RBFOX1: variants seen among roughly 807,000 people sequenced by gnomAD.
The protein encoded by RBFOX1 is RNA binding fox-1 homolog 1.
In RBFOX1, 8 loss-of-function variants were observed where a neutral mutation model predicts 57.7. That is an observed-to-expected ratio of 0.14 (90% confidence interval 0.08 to 0.25). The LOEUF is 0.25. Among genes scored for constraint, RBFOX1 ranks in the 10% least tolerant of loss-of-function variants. The pLI is 1.00. For missense variants in RBFOX1, 611 were observed against 548.5 expected (o/e 1.11, Z -1.14); for synonymous variants, 326 against 222.4 (o/e 1.47, Z -4.15).
chr16:7,370,617 C>T (rs778987512), intron 4 of RBFOX1, among the ~76,000 whole-genome samples: 1 of 152,160 alleles, frequency 6.6e-6, no homozygotes, highest in Non-Finnish European at 1.5e-5. Context: ...TTTCAGGATA[C>T]CATTCTCTCA....
intron 3 of RBFOX1, among the ~76,000 whole-genome samples, chr16:6,809,562 T>C (rs1479614741): frequency 6.6e-6 from 1 of 152,094 alleles, no homozygotes; most frequent in South Asian, 2.1e-4. Context: ...TATATCCTAT[T>C]GTATATGAAG....
chr16:7,105,288 ATTTT>A (rs58447850), intron 4 of RBFOX1, among the ~76,000 whole-genome samples: 1,573 of 138,090 alleles, frequency 0.011, 9 homozygotes, highest in Non-Finnish European at 0.014. Flanking sequence ...ATATGGTCTG[ATTTT>A]TTTTTTTTTT....
intron 2 of RBFOX1, among the ~76,000 whole-genome samples, chr16:6,435,135 A>G (rs561994790): frequency 8.2e-4 from 125 of 152,078 alleles, no homozygotes; most frequent in Non-Finnish European, 1.4e-3. Flanking sequence ...ATGGAAGAGG[A>G]TTTGCTTGCC....
At chr16:7,701,105 A>G (rs1474270488) in intron 14 of RBFOX1, among the ~76,000 whole-genome samples, 1 of 152,140 alleles carries the variant, frequency 6.6e-6, no homozygotes, top group Non-Finnish European at 1.5e-5. Flanking sequence ...GTGCTAAGTG[A>G]TTTCTGAAGT....
At chr16:6,010,506 T>C (rs1331959758) in intron 4 of RBFOX1, among the ~76,000 whole-genome samples, 1 of 152,222 alleles carries the variant, frequency 6.6e-6, no homozygotes, top group Non-Finnish European at 1.5e-5. Flanking sequence ...CTCCTGGCCA[T>C]TGGGCCATTG....
chr16:5,719,309 C>T (rs1375676520), intron 3 of RBFOX1, among the ~76,000 whole-genome samples: 2 of 150,712 alleles, frequency 1.3e-5, no homozygotes, highest in Admixed American at 6.6e-5. Flanking sequence ...TCACGCCATT[C>T]TCCTGCCTCA....
chr16:5,252,041 G>A (rs1410026700), intron 1 of RBFOX1, among the ~76,000 whole-genome samples: 1 of 152,166 alleles, frequency 6.6e-6, no homozygotes, highest in African/African-American at 2.4e-5. Flanking sequence ...CCGCTGAGCT[G>A]GGGAAGTGCA....
chr16:6,654,485 G>C (rs1441113559), intron 2 of RBFOX1, 118 bp from the exon 3 acceptor site: 4 of 773,834 alleles, frequency 5.2e-6, no homozygotes, highest in Non-Finnish European at 6.0e-6. Context: ...AGAACTATTA[G>C]GAGCATGAGC....
intron 1 of RBFOX1, among the ~76,000 whole-genome samples, chr16:5,349,621 C>CT (rs35981022): frequency 1 from 151,786 of 152,308 alleles, 75,636 homozygotes; most frequent in East Asian, 1. Flanking sequence ...TTCAGTGAGC[C>CT]AGACCATGCC....
intron 3 of RBFOX1, among the ~76,000 whole-genome samples, chr16:6,854,795 C>A (rs77509639): frequency 0.24 from 36,129 of 151,500 alleles, 4,967 homozygotes; most frequent in Admixed American, 0.37. Context: ...GGGGTTTCAC[C>A]ATGTTAGCCA....
In RBFOX1 at chr16:7,465,879, T is replaced by A. The variant is rs150834460; in HGVS notation, c.28-52268T>A. On this transcript the variant is annotated intron_variant, in intron 4 of 15. Coordinates refer to ENST00000550418, the MANE Select transcript of RBFOX1 (RefSeq NM_018723.4). ...TTTGATATTAACTGTTATCTGTTCATACATACATTTTTTTGCCCCAAAGCA... is the reference window on the plus strand; with the variant it reads ...TTTGATATTAACTGTTATCTGTTCAAACATACATTTTTTTGCCCCAAAGCA... Among the ~76,000 whole-genome samples, 662 of 152,354 alleles carry A rather than the reference T, an allele frequency of 4.3e-3. 4 individuals are homozygous for A. The highest frequency in any genetic ancestry group is 0.015 in the African/African-American group (632 of 41,586).
At position 7,280,118 on chromosome 16, in the gene RBFOX1, G is replaced by C. The variant is rs545510163; in HGVS notation, c.27+228020G>C. Among the ~76,000 whole-genome samples the C allele has an allele frequency of 3.3e-4, 51 of 152,356 alleles. 1 individual carries two copies. The highest frequency in any genetic ancestry group is 1.2e-3 in the African/African-American group (51 of 41,586). On this transcript the variant is annotated intron_variant, in intron 4 of 15. Coordinates refer to ENST00000550418, the MANE Select transcript of RBFOX1 (RefSeq NM_018723.4). ...GAGCCAGCTTCTGAATCCTGGCTGA[G>C]TTTGACTTCGTTGACCACAGAGTCT...
chr16:7,397,050 C>A (rs574903054), intron 4 of RBFOX1, among the ~76,000 whole-genome samples: 1 of 152,288 alleles, frequency 6.6e-6, no homozygotes, highest in South Asian at 2.1e-4. Flanking sequence ...AACGTGAGGT[C>A]TAACTTGCTT....
chr16:7,527,471 G>A (rs1407202708), intron 5 of RBFOX1, among the ~76,000 whole-genome samples: 3 of 152,026 alleles, frequency 2.0e-5, no homozygotes, highest in African/African-American at 7.2e-5. Flanking sequence ...TTCTTTTTTG[G>A]ACTGGGGTTT....
chr16:6,773,496 G>A (rs1374547256), intron 3 of RBFOX1, among the ~76,000 whole-genome samples: 5 of 148,814 alleles, frequency 3.4e-5, no homozygotes, highest in African/African-American at 1.0e-4. Flanking sequence ...ATATTTGTGT[G>A]TGTCTATGTG....
chr16:5,705,687 C>A (rs68064848), intron 3 of RBFOX1, among the ~76,000 whole-genome samples: 28,104 of 152,154 alleles, frequency 0.18, 3,849 homozygotes, highest in East Asian at 0.63. Flanking sequence ...AGACCTGACT[C>A]ATAGGACCTC....
chr16:5,919,169 A>T (rs1343716232), intron 4 of RBFOX1, among the ~76,000 whole-genome samples: 4 of 152,082 alleles, frequency 2.6e-5, no homozygotes. Context: ...AAAATGTACA[A>T]ATTGCTGACA....
chr16:7,322,053 C>T (rs531389807), intron 4 of RBFOX1, among the ~76,000 whole-genome samples: 6 of 152,348 alleles, frequency 3.9e-5, no homozygotes, highest in South Asian at 4.1e-4. Context: ...TCTGCTACCT[C>T]CTTTTCTCCT....
chr16:7,378,788 A>T (rs2097732472), intron 4 of RBFOX1, among the ~76,000 whole-genome samples: 2 of 152,228 alleles, frequency 1.3e-5, no homozygotes, highest in South Asian at 4.1e-4. Context: ...ACTCTTGGGC[A>T]CACTGCAAAG....
Sources: gnomAD v4.1 joint callset for allele counts (sites outside exome capture counted in the v4.1 genomes callset) on GRCh38, gnomAD v4.1.1 for gene constraint, MANE v1.5 for transcripts, NCBI Gene and HGNC (gene_info 2026-07-23, HGNC 2026-07-21) for gene names.